The following PFDN4 variants were observed in gnomAD, a reference collection of about 807,000 sequenced individuals.
The protein encoded by PFDN4 is prefoldin subunit 4.
PFDN4 carries 6 observed loss-of-function variants against 17.6 expected under a neutral mutation model. The ratio of observed to expected loss-of-function variants is 0.34; its 90% CI spans 0.19 to 0.67. The LOEUF is 0.67. PFDN4 is among the 30% of genes least tolerant of loss of function. The probability of loss-of-function intolerance (pLI) is 0.68; values close to 1 mark genes in which losing one functional copy is unlikely to be tolerated. For synonymous variants in PFDN4, 48 were observed against 51.1 expected (o/e 0.94, Z 0.26); for missense variants, 119 against 158.4 (o/e 0.75, Z 1.33).
intron 1 of PFDN4, 39 bp downstream of exon 1, chr20:54,208,163 G>A (rs1368662724): frequency 2.6e-6 from 4 of 1,511,072 alleles, no homozygotes; most frequent in East Asian, 2.7e-5. Context: ...CTCGGGCGGC[G>A]CCGGATCTCG....
At position 54,219,086 on chromosome 20, in the gene PFDN4, A is replaced by G; in HGVS notation, c.341A>G (p.Asp114Gly). ...GAATCAATTCAGCGAGTGTTAGCAG[A>G]TTTGAAAGTTCAGTTGTATGCAAAA... ...RVESIQRVLA[D>G]LKVQLYAKFG... The change falls in exon 4 of 4, where the codon GAT (aspartate) becomes GGT (glycine). Residue 114 changes from aspartate to glycine, a missense_variant. Asp to Gly is a moderately conservative substitution (Grantham distance 94). This residue lies in a region of PFDN4 where 81 missense variants were observed against 111.7 expected (regional missense o/e 0.73). Transcript: ENST00000371419. 1 of 1,596,822 alleles carries G rather than the reference A, an allele frequency of 6.3e-7. No homozygotes were observed. Among genetic ancestry groups the G allele is most frequent in the African/African-American group, 1.3e-5 (1 of 74,510 alleles).
chr20:54,210,150 T>C (rs2092753840), intron 1 of PFDN4, among the ~76,000 whole-genome samples: 1 of 152,158 alleles, frequency 6.6e-6, no homozygotes, highest in South Asian at 2.1e-4. Context: ...TGAGTGCATT[T>C]AATACAAGGA....
Position 54,208,111 on chromosome 20 carries a change from C to T in PFDN4, c.11C>T (p.Thr4Ile). 6.4e-7 allele frequency: 1 copy of T among 1,556,660 alleles called. No homozygotes were observed. Among genetic ancestry groups the T allele is most frequent in the South Asian group, 1.2e-5 (1 of 84,686 alleles). Residue 4 changes from threonine to isoleucine, a missense_variant, in exon 1 of 4, where the codon ACC becomes ATC. This residue lies in a region of PFDN4 where 29 missense variants were observed against 18.9 expected (regional missense o/e 1.54). Coordinates refer to ENST00000371419, the MANE Select transcript of PFDN4 (RefSeq NM_002623.4). ...TAGTCCAGTCCCAAGATGGCGGCCA[C>T]CATGAAGAAGGCGGTGAGTGGGGAG... MAATMKKAAAEDVN... is the reference protein window; with the variant it reads MAAIMKKAAAEDVN...
At chr20:54,217,287 G>T (rs892025271) in intron 3 of PFDN4, among the ~76,000 whole-genome samples, 1 of 152,030 alleles carries the variant, frequency 6.6e-6, no homozygotes, top group Admixed American at 6.6e-5. Flanking sequence ...AAGGGGCGGC[G>T]GGGGGCGGGG....
chr20:54,215,426 T>G lies in PFDN4; in HGVS notation c.259T>G (p.Leu87Val). The stretch of plus-strand genomic sequence containing the variant: ...TTCTCAAGAAGAAACGCAAGAAATG[T>G]TAGAAGAAGCAAAGGTATGTTAAAG... ...SHSQEETQEM[L>V]EEAKKNLQEE... Residue 87 changes from leucine (L) to valine (V), a missense_variant, in exon 3 of 4, where the codon TTA becomes GTA. Transcript: ENST00000371419. The G allele has an allele frequency of 6.2e-7, 1 of 1,600,310 alleles. No individual in the cohort carries two copies. Among genetic ancestry groups the G allele is most frequent in the Non-Finnish European group, 8.5e-7 (1 of 1,171,710 alleles).
At position 54,215,166 on chromosome 20, in the gene PFDN4, G is replaced by A. The variant is rs1964861; in HGVS notation, c.133-134G>A. Reference sequence around the variant, plus strand: ...TGTCTTCTAAAAAGTTACAAATTAAGGTCTTATTCTAATGTGGTAATAATA... The same window carrying A: ...TGTCTTCTAAAAAGTTACAAATTAAAGTCTTATTCTAATGTGGTAATAATA... On this transcript the variant is annotated intron_variant, in intron 2 of 3. Coordinates refer to ENST00000371419, the MANE Select transcript of PFDN4 (RefSeq NM_002623.4). 3 of 563,822 alleles carry A rather than the reference G, an allele frequency of 5.3e-6. No homozygotes were observed. The Admixed American group carries it at 9.6e-5, about 18-fold the overall frequency. The allele number at this position is 563,822 out of a possible 1,614,324, so 34.9% of individuals were successfully genotyped here.
rs6023041 is a variant in PFDN4, at chr20:54,215,518, A to G, written c.273+78A>G. 5.7e-3 allele frequency: 5,118 copies of G among 905,782 alleles called. 22 individuals are homozygous for G. The highest frequency in any genetic ancestry group is 9.8e-3 in the Middle Eastern group (28 of 2,854). 56.1% of individuals were successfully genotyped at this position (905,782 alleles called of 1,614,324 possible). On this transcript the variant is annotated intron_variant, in intron 3 of 3. Transcript: ENST00000371419. ...GTAATTATAGATGTAGGGAAATAGT[A>G]GATGCTAGCTATAGCTAATATTTAC...
intron 3 of PFDN4, among the ~76,000 whole-genome samples, chr20:54,218,810 A>G (rs1379905922): frequency 6.6e-6 from 1 of 152,234 alleles, no homozygotes; most frequent in Admixed American, 6.5e-5. Flanking sequence ...TGAGAAAACA[A>G]ACTTGATTTA....
At chr20:54,211,942 C>T (rs2092756413) in intron 1 of PFDN4, among the ~76,000 whole-genome samples, 1 of 152,156 alleles carries the variant, frequency 6.6e-6, no homozygotes, top group Non-Finnish European at 1.5e-5. Context: ...CCTGTAATCC[C>T]AGCACTTTGG....
At chr20:54,214,554 G>A (rs1312057468) in intron 2 of PFDN4, 96 bp downstream of exon 2, 2 of 594,346 alleles carry the variant, frequency 3.4e-6, no homozygotes, top group Admixed American at 3.3e-5. Context: ...TCTCTGGGCT[G>A]TTTGTTGCAG....
At chr20:54,216,503 A>G (rs921431128) in intron 3 of PFDN4, among the ~76,000 whole-genome samples, 3 of 151,998 alleles carry the variant, frequency 2.0e-5, no homozygotes, top group African/African-American at 7.3e-5. Context: ...TCTTGGTCAA[A>G]TTTTGTGATT....
intron 1 of PFDN4, among the ~76,000 whole-genome samples, chr20:54,212,171 C>T (rs967823970): frequency 4.0e-5 from 6 of 148,456 alleles, no homozygotes; most frequent in Admixed American, 2.0e-4. Flanking sequence ...TCAGCCTGGG[C>T]GACAGAGTGA....
chr20:54,214,662 C>T (rs951328751), intron 2 of PFDN4, among the ~76,000 whole-genome samples: 5 of 151,870 alleles, frequency 3.3e-5, no homozygotes, highest in South Asian at 2.1e-4. Context: ...GAGTCTAGAC[C>T]GAGGTTCCAG....
At chr20:54,218,760 T>C (rs1324072640) in intron 3 of PFDN4, among the ~76,000 whole-genome samples, 1 of 152,242 alleles carries the variant, frequency 6.6e-6, no homozygotes, top group East Asian at 1.9e-4. Flanking sequence ...GGAAATAATT[T>C]AGACAGTAAT....
chr20:54,208,283 C>T (rs1023799511), intron 1 of PFDN4, 159 bp downstream of exon 1: 3 of 579,908 alleles, frequency 5.2e-6, no homozygotes, highest in East Asian at 3.6e-5. Context: ...AAGGCCTGCT[C>T]GCGCCTGGCG....
At chr20:54,210,466 A>G (rs1057012967) in intron 1 of PFDN4, among the ~76,000 whole-genome samples, 3 of 152,180 alleles carry the variant, frequency 2.0e-5, no homozygotes, top group South Asian at 2.1e-4. Context: ...AAATCGTACA[A>G]TCTGGAGTAC....
rs916337637 is a variant in PFDN4, at chr20:54,219,874, T to C, written c.*724T>C. 2 of 395,116 alleles carry C rather than the reference T, an allele frequency of 5.1e-6. No individual in the cohort carries two copies. The highest frequency in any genetic ancestry group is 4.1e-5 in the African/African-American group (2 of 48,538). 24.5% of individuals were successfully genotyped at this position (395,116 alleles called of 1,614,324 possible). A position where few individuals can be genotyped will look rare whatever the true frequency, so the allele number is the denominator to read the frequency against. On this transcript the variant is annotated 3_prime_UTR_variant, in exon 4 of 4. Transcript: ENST00000371419. ...GCTTTGTAATTAATTGGGGTTTATATTGATAAAGATGTGGAAGTTAAACAG... is the reference window on the plus strand; with the variant it reads ...GCTTTGTAATTAATTGGGGTTTATACTGATAAAGATGTGGAAGTTAAACAG...
rs767983696 is a variant in PFDN4, at chr20:54,214,450, G to T, written c.124G>T (p.Val42Leu). 6.9e-7 allele frequency: 1 copy of T among 1,453,326 alleles called. No homozygotes were observed. Among genetic ancestry groups the T allele is most frequent in the Non-Finnish European group, 9.5e-7 (1 of 1,054,522 alleles). The allele number at this position is 1,453,326 out of a possible 1,614,324, so 90.0% of individuals were successfully genotyped here. ...RITELKEEIE[V>L]KKKQLQNLED... ...CACAGAGCTGAAGGAAGAAATAGAAGTAAAAAAGGTATTGAAAATAATTAT... is the reference window on the plus strand; with the variant it reads ...CACAGAGCTGAAGGAAGAAATAGAATTAAAAAAGGTATTGAAAATAATTAT... The change falls in exon 2 of 4, where the codon GTA becomes TTA. Residue 42 changes from valine to leucine, a missense_variant. Val to Leu is a conservative substitution (Grantham distance 32, BLOSUM62 1). Around this residue, in one of 3 missense-constraint regions of PFDN4, gnomAD observed 81 missense variants for 111.7 expected, o/e 0.73. Transcript: ENST00000371419.
chr20:54,208,205 G>A (rs1473447130), intron 1 of PFDN4, 81 bp downstream of exon 1: 5 of 1,315,620 alleles, frequency 3.8e-6, no homozygotes, highest in East Asian at 2.9e-5. Flanking sequence ...GATGCTGGGG[G>A]TGCGCAGCTC....
Sources: allele counts gnomAD v4.1 joint callset (sites outside exome capture counted in the v4.1 genomes callset), GRCh38; gene constraint gnomAD v4.1.1; regional missense constraint gnomAD v4.1.1; transcripts MANE v1.5; gene names NCBI Gene and HGNC (gene_info 2026-07-23, HGNC 2026-07-21).